Variants in BMP6 observed in about 807,000 individuals in gnomAD.
BMP6 encodes bone morphogenetic protein 6.
Under a neutral mutation model 54.1 loss-of-function variants are expected in BMP6, and 17 were observed. That is an observed-to-expected ratio of 0.31 (90% CI 0.22 to 0.47). The LOEUF is 0.47. BMP6 is among the 20% of genes least tolerant of loss of function. BMP6 has a pLI of 1.00. For missense variants in BMP6, 720 were observed against 690.4 expected (o/e 1.04, Z -0.48); for synonymous variants, 328 against 291.2 (o/e 1.13, Z -1.28).
At chr6:7,749,104 T>C (rs747903807) in intron 1 of BMP6, among the ~76,000 whole-genome samples, 1 of 152,220 alleles carries the variant, frequency 6.6e-6, no homozygotes, top group Non-Finnish European at 1.5e-5. Context: ...GTGTGTTTCA[T>C]CTACAAAAGG....
intron 1 of BMP6, among the ~76,000 whole-genome samples, chr6:7,833,529 C>T (rs939593063): frequency 6.6e-6 from 1 of 152,152 alleles, no homozygotes; most frequent in African/African-American, 2.4e-5. Context: ...CAGTAAGAAA[C>T]GCAAGCCTCT....
chr6:7,741,126 A>G (rs1006250358), intron 1 of BMP6, among the ~76,000 whole-genome samples: 5 of 152,132 alleles, frequency 3.3e-5, no homozygotes, highest in Non-Finnish European at 7.3e-5. Flanking sequence ...CCACTGCCAC[A>G]TTCTCAATTC....
At chr6:7,739,366 C>T (rs1762008218) in intron 1 of BMP6, among the ~76,000 whole-genome samples, 2 of 152,148 alleles carry the variant, frequency 1.3e-5, no homozygotes, top group African/African-American at 4.8e-5. Context: ...CATCCTTCTC[C>T]AAATATTCTG....
Position 7,810,592 on chromosome 6 carries a change from GA to G in BMP6, c.665-34547del, listed in dbSNP as rs1183639121. Among the ~76,000 whole-genome samples the G allele has an allele frequency of 9.9e-5, 15 of 152,280 alleles. No homozygotes were observed. In the East Asian group the frequency reaches 2.7e-3, roughly 27 times the overall value. On this transcript the variant is annotated intron_variant, in intron 1 of 6. Coordinates refer to ENST00000283147, the MANE Select transcript of BMP6 (RefSeq NM_001718.6). ...GCTCATGGTATTCATATTTGTCTTA[GA>G]TCTTTCTTCCTTGGATATTACAAAG...
intron 2 of BMP6, 110 bp downstream of exon 2, chr6:7,845,442 C>T: frequency 9.9e-7 from 1 of 1,010,062 alleles, no homozygotes; most frequent in Non-Finnish European, 1.4e-6. Context: ...AGTTCAGGGG[C>T]AGCATGTGAG....
intron 1 of BMP6, among the ~76,000 whole-genome samples, chr6:7,793,228 AT>A (rs1210184155): frequency 6.6e-6 from 1 of 152,164 alleles, no homozygotes; most frequent in Non-Finnish European, 1.5e-5. Flanking sequence ...CTACAGAGGA[AT>A]ATAGAGTTTG....
At chr6:7,807,471 G>A (rs1350614090) in intron 1 of BMP6, among the ~76,000 whole-genome samples, 2 of 152,082 alleles carry the variant, frequency 1.3e-5, no homozygotes, top group African/African-American at 4.8e-5. Context: ...AGTAGAGACG[G>A]GGTTTCACCA....
chr6:7,765,770 C>G (rs1019008954), intron 1 of BMP6, among the ~76,000 whole-genome samples: 1 of 152,256 alleles, frequency 6.6e-6, no homozygotes, highest in Admixed American at 6.5e-5. Flanking sequence ...GGATTAAGAT[C>G]AAGGTGCCGG....
intron 1 of BMP6, among the ~76,000 whole-genome samples, chr6:7,728,890 G>A (rs147733448): frequency 2.0e-3 from 312 of 152,314 alleles, no homozygotes; most frequent in African/African-American, 6.8e-3. Flanking sequence ...CTATCTGGGT[G>A]ATTTCTTTAC....
At chr6:7,749,740 C>T (rs1440059184) in intron 1 of BMP6, among the ~76,000 whole-genome samples, 1 of 152,174 alleles carries the variant, frequency 6.6e-6, no homozygotes, top group Non-Finnish European at 1.5e-5. Flanking sequence ...CTGGTTGATT[C>T]ATTGTGAAGG....
At chr6:7,744,408 C>T (rs567889574) in intron 1 of BMP6, among the ~76,000 whole-genome samples, 1 of 152,130 alleles carries the variant, frequency 6.6e-6, no homozygotes, top group East Asian at 1.9e-4. Context: ...CCCAGGAGGC[C>T]GAGGTTGCAG....
At chr6:7,786,236 G>A (rs1002313053) in intron 1 of BMP6, among the ~76,000 whole-genome samples, 4 of 152,034 alleles carry the variant, frequency 2.6e-5, no homozygotes, top group African/African-American at 7.2e-5. Context: ...AAAGCTGGAC[G>A]TCCCACCATG....
chr6:7,726,540 G>C lies in BMP6; in HGVS notation c.-416G>C, dbSNP rs576633329. On this transcript the variant is annotated 5_prime_UTR_variant, in exon 1 of 7. Transcript: ENST00000283147. ...GCGGCCCCGCTCCCCGCTGCCCCGG[G>C]TCCCACTCAGTCGCCAGGGAGAGCG... is the stretch of plus-strand genomic sequence containing the variant. Among the ~76,000 whole-genome samples, 2 of 152,136 alleles carry C rather than the reference G, an allele frequency of 1.3e-5. No homozygotes were observed. Among genetic ancestry groups the C allele is most frequent in the African/African-American group, 2.4e-5 (1 of 41,438 alleles).
intron 1 of BMP6, among the ~76,000 whole-genome samples, chr6:7,765,248 C>T (rs1428634143): frequency 1.3e-5 from 2 of 152,094 alleles, no homozygotes; most frequent in Non-Finnish European, 2.9e-5. Context: ...ATTTATTCCC[C>T]CAAAAGTTTA....
intron 1 of BMP6, among the ~76,000 whole-genome samples, chr6:7,779,330 A>T (rs560128845): frequency 1.5e-4 from 23 of 149,604 alleles, no homozygotes; most frequent in Admixed American, 8.0e-4. Context: ...AAACTTATTT[A>T]TTTTTTTTTT....
intron 1 of BMP6, among the ~76,000 whole-genome samples, chr6:7,786,050 C>T (rs1758014960): frequency 6.6e-6 from 1 of 152,222 alleles, no homozygotes; most frequent in African/African-American, 2.4e-5. Flanking sequence ...CTTGAAAATG[C>T]AGGAGGCAGA....
At chr6:7,795,506 C>A (rs1178438295) in intron 1 of BMP6, among the ~76,000 whole-genome samples, 3 of 152,176 alleles carry the variant, frequency 2.0e-5, no homozygotes, top group East Asian at 1.9e-4. Flanking sequence ...AAGGTCCTGG[C>A]TACAAAGGGC....
At chr6:7,761,815 T>G (rs1372570540) in intron 1 of BMP6, among the ~76,000 whole-genome samples, 1 of 152,232 alleles carries the variant, frequency 6.6e-6, no homozygotes, top group East Asian at 1.9e-4. Flanking sequence ...CAGTTGTCAT[T>G]TGTCATTTGT....
chr6:7,728,922 C>T (rs1197787191), intron 1 of BMP6, among the ~76,000 whole-genome samples: 2 of 152,208 alleles, frequency 1.3e-5, no homozygotes, highest in Non-Finnish European at 2.9e-5. Context: ...TGATTCCCAA[C>T]TCCACTGAGC....
Sources: gnomAD v4.1 joint callset for allele counts (sites outside exome capture counted in the v4.1 genomes callset) on GRCh38, gnomAD v4.1.1 for gene constraint, MANE v1.5 for transcripts, NCBI Gene and HGNC (gene_info 2026-07-23, HGNC 2026-07-21) for gene names.